PPP5C: variants seen among roughly 807,000 people sequenced by gnomAD.
PPP5C encodes protein phosphatase 5 catalytic subunit, also known as serine/threonine-protein phosphatase 5.
In PPP5C, 21 loss-of-function variants were observed where a neutral mutation model predicts 66.7. The ratio of observed to expected loss-of-function variants is 0.31; its 90% CI spans 0.22 to 0.45. PPP5C has a LOEUF of 0.45. PPP5C is among the 20% of genes least tolerant of loss of function. The pLI, the probability that PPP5C is intolerant of heterozygous loss-of-function variation, is 1.00. For synonymous variants in PPP5C, 246 were observed against 257.4 expected, an observed-to-expected ratio of 0.96 and a Z score of 0.43; for missense variants, 464 against 675.9, an observed-to-expected ratio of 0.69 and a Z score of 3.48.
At chr19:46,369,515 C>G (rs1363865269) in intron 2 of PPP5C, among the ~76,000 whole-genome samples, 1 of 151,834 alleles carries the variant, frequency 6.6e-6, no homozygotes, top group Non-Finnish European at 1.5e-5. Flanking sequence ...GCCTGTAGTC[C>G]TAGCCACTCT....
In PPP5C at chr19:46,388,860, C is replaced by T. The variant is rs900569621; in HGVS notation, c.1355+129C>T. ...AGCAGATAAAAGAACATGACGAACA[C>T]CCCCGTATGTGTCACCCACCCATGC... On this transcript the variant is annotated intron_variant, in intron 11 of 12. Transcript: ENST00000012443. The surrounding 1 kb of genome is among the most constrained non-coding windows in gnomAD (Gnocchi z 4.9). The T allele has an allele frequency of 2.6e-5, 30 of 1,165,418 alleles. No homozygotes were observed. Among genetic ancestry groups the T allele is most frequent in the Non-Finnish European group, 3.4e-5 (28 of 832,870 alleles). 72.2% of individuals were successfully genotyped at this position (1,165,418 alleles called of 1,614,324 possible). A position where few individuals can be genotyped will look rare whatever the true frequency, so the allele number is the denominator to read the frequency against.
intron 8 of PPP5C, 47 bp downstream of exon 8, chr19:46,387,282 C>T: frequency 6.2e-7 from 1 of 1,613,688 alleles, no homozygotes; most frequent in Non-Finnish European, 8.5e-7. Flanking sequence ...CCCAGCCACA[C>T]CTGGGCAGAT....
intron 2 of PPP5C, among the ~76,000 whole-genome samples, chr19:46,373,324 G>C (rs1972628985): frequency 6.6e-6 from 1 of 152,244 alleles, no homozygotes; most frequent in Non-Finnish European, 1.5e-5. Flanking sequence ...GGGAATCCTG[G>C]CTTCCTGGGT....
At chr19:46,369,920 C>T (rs956222116) in intron 2 of PPP5C, among the ~76,000 whole-genome samples, 85 of 70,246 alleles carry the variant, frequency 1.2e-3, no homozygotes, top group African/African-American at 4.9e-3. Flanking sequence ...AGCGAGACTC[C>T]GTCTGGAAAA....
chr19:46,389,949 C>G, intron 11 of PPP5C, 102 bp from the exon 12 acceptor site: 1 of 1,042,982 alleles, frequency 9.6e-7, no homozygotes, highest in Non-Finnish European at 1.5e-6. Context: ...GGCTCTGTCC[C>G]TCCCTCTCCC....
In PPP5C at chr19:46,375,703, G is replaced by A. The variant is rs558480632; in HGVS notation, c.463G>A (p.Asp155Asn). The A allele has an allele frequency of 2.3e-5, 37 of 1,611,986 alleles. No individual in the cohort carries two copies. The highest frequency in any genetic ancestry group is 3.3e-4 in the Middle Eastern group (2 of 6,052). Residue 155 changes from aspartate (D) to asparagine (N), a missense_variant, in exon 3 of 13, where the codon GAC (aspartate) becomes AAC (asparagine). Physicochemically the swap from Asp to Asn is conservative, Grantham distance 23. Transcript: ENST00000012443. ...GGCCTTTGAGCGGGCCATCGCGGGC[G>A]ACGAGCACAAGCGCTCCGTGGTGGA... ...QKAFERAIAG[D>N]EHKRSVVDSL...
intron 2 of PPP5C, among the ~76,000 whole-genome samples, chr19:46,354,409 T>C (rs1476847219): frequency 6.6e-6 from 1 of 152,210 alleles, no homozygotes; most frequent in Non-Finnish European, 1.5e-5. Context: ...TCTCTTCTTC[T>C]GGTGGAGCTT....
chr19:46,367,152 C>G (rs1231463457), intron 2 of PPP5C, among the ~76,000 whole-genome samples: 1 of 152,190 alleles, frequency 6.6e-6, no homozygotes, highest in Non-Finnish European at 1.5e-5. Flanking sequence ...GAAAGCACAA[C>G]CCACTCCCAT....
At chr19:46,347,456 A>C (rs1972102825) in intron 1 of PPP5C, among the ~76,000 whole-genome samples, 1 of 152,022 alleles carries the variant, frequency 6.6e-6, no homozygotes, top group Non-Finnish European at 1.5e-5. Flanking sequence ...GGAGGGCGCC[A>C]CCAATTGTGG....
chr19:46,347,174 G>C lies in PPP5C; in HGVS notation c.78G>C (p.Lys26Asn). 1 of 1,606,208 alleles carries C rather than the reference G, an allele frequency of 6.2e-7. No individual in the cohort carries two copies. Among genetic ancestry groups the C allele is most frequent in the Non-Finnish European group, 8.5e-7 (1 of 1,176,786 alleles). Residue 26 changes from lysine to asparagine, a missense_variant, in exon 1 of 13, where the codon AAG becomes AAC. Lys to Asn is a moderately conservative substitution (Grantham distance 94). Around this residue, in one of 2 missense-constraint regions of PPP5C, gnomAD observed 77 missense variants for 49.9 expected, o/e 1.54. Transcript: ENST00000012443. ...AACCCCCGGCTGATGGAGCTCTGAA[G>C]CGGGCAGAGGAGCTCAAGACTCAGG... ...RDEPPADGAL[K>N]RAEELKTQAN...
At chr19:46,350,038 G>A (rs1391988040) in intron 1 of PPP5C, among the ~76,000 whole-genome samples, 1 of 151,602 alleles carries the variant, frequency 6.6e-6, no homozygotes, top group Non-Finnish European at 1.5e-5. Context: ...TGGGGGGTGG[G>A]GCTCTGGGGA....
At chr19:46,379,033 G>T (rs191218483) in intron 4 of PPP5C, among the ~76,000 whole-genome samples, 20 of 152,146 alleles carry the variant, frequency 1.3e-4, no homozygotes, top group African/African-American at 4.8e-4. Context: ...ACAGGCACAC[G>T]CCACTATACC....
intron 1 of PPP5C, among the ~76,000 whole-genome samples, chr19:46,347,543 T>TG (rs1972104637): frequency 8.3e-6 from 1 of 120,158 alleles, no homozygotes; most frequent in African/African-American, 3.3e-5. Context: ...TGACATGTGG[T>TG]GGGGGAGTGA....
At chr19:46,364,880 C>T (rs1972464046) in intron 2 of PPP5C, among the ~76,000 whole-genome samples, 1 of 151,404 alleles carries the variant, frequency 6.6e-6, no homozygotes, top group South Asian at 2.1e-4. Context: ...CAGGATGGCG[C>T]TCCATAGGTA....
chr19:46,352,964 AC>A (rs1185155567), intron 1 of PPP5C, among the ~76,000 whole-genome samples: 8 of 151,948 alleles, frequency 5.3e-5, no homozygotes, highest in Non-Finnish European at 1.2e-4. Flanking sequence ...GTGAAGGGGG[AC>A]CTGTGTACTA....
Position 46,390,480 on chromosome 19 carries a change from T to G in PPP5C, c.*134T>G. The G allele has an allele frequency of 6.6e-7, 1 of 1,504,652 alleles. No homozygotes were observed. Among genetic ancestry groups the G allele is most frequent in the Non-Finnish European group, 8.9e-7 (1 of 1,126,480 alleles). The allele number at this position is 1,504,652 out of a possible 1,614,324, so 93.2% of individuals were successfully genotyped here. A position where few individuals can be genotyped will look rare whatever the true frequency, so the allele number is the denominator to read the frequency against. On this transcript the variant is annotated 3_prime_UTR_variant, in exon 13 of 13. Coordinates refer to ENST00000012443, the MANE Select transcript of PPP5C (RefSeq NM_006247.4). Reference sequence around the variant, plus strand: ...TTTACTTTGTAAAGTTTGTATTTATTCCCCTTTAGGTTTGCAGAGGGGGTA... The same window carrying G: ...TTTACTTTGTAAAGTTTGTATTTATGCCCCTTTAGGTTTGCAGAGGGGGTA...
intron 2 of PPP5C, among the ~76,000 whole-genome samples, chr19:46,362,851 G>A (rs147878853): frequency 0.019 from 2,932 of 150,858 alleles, 91 homozygotes; most frequent in African/African-American, 0.066. Flanking sequence ...GCAGTGGCGC[G>A]ATCTCGGCTC....
At chr19:46,353,101 C>T (rs887637302) in intron 1 of PPP5C, among the ~76,000 whole-genome samples, 1 of 152,172 alleles carries the variant, frequency 6.6e-6, no homozygotes, top group African/African-American at 2.4e-5. Context: ...TCTGCAGGTG[C>T]AGACAGGGCA....
At chr19:46,386,902 C>A in intron 7 of PPP5C, 191 bp from the exon 8 acceptor site, 1 of 741,538 alleles carries the variant, frequency 1.3e-6, no homozygotes, top group Non-Finnish European at 2.2e-6. Context: ...AGCCATGGTG[C>A]TTAGCCATGG....
Sources: gnomAD v4.1 joint callset for allele counts (sites outside exome capture counted in the v4.1 genomes callset) on GRCh38, gnomAD v4.1.1 for gene constraint, gnomAD v4.1.1 regional missense constraint, Gnocchi (gnomAD v3.1) non-coding constraint, MANE v1.5 for transcripts, NCBI Gene and HGNC (gene_info 2026-07-23, HGNC 2026-07-21) for gene names.